Variants in KAT14 observed in about 807,000 individuals in gnomAD.
KAT14 encodes the protein cysteine-rich protein 2-binding protein.
A neutral mutation model predicts 78.4 loss-of-function variants in KAT14; 66 were observed. That is an observed-to-expected ratio of 0.84 (90% CI 0.69 to 1.03). The LOEUF is 1.03. Ranked by LOEUF, KAT14 falls within the 50% of genes least tolerant of loss-of-function variation. The pLI is 0.00. For missense variants in KAT14, 870 were observed against 972.5 expected (o/e 0.89, Z 1.40); for synonymous variants, 344 against 359.4 (o/e 0.96, Z 0.48).
chr20:18,184,554 A>G (rs767219457), intron 9 of KAT14, 48 bp from the exon 10 acceptor site: 2 of 1,554,412 alleles, frequency 1.3e-6, no homozygotes, highest in East Asian at 2.3e-5. Flanking sequence ...GTGTTCCTTA[A>G]TTCTCAAAGG....
At chr20:18,146,385 C>T (rs1212019448) in intron 3 of KAT14, among the ~76,000 whole-genome samples, 8 of 152,224 alleles carry the variant, frequency 5.3e-5, no homozygotes, top group Non-Finnish European at 7.4e-5. Context: ...ACAGGCCAGG[C>T]GCGGTGGCTC....
chr20:18,138,133 TC>T, intron 1 of KAT14, 82 bp downstream of exon 1: 1 of 1,361,176 alleles, frequency 7.3e-7, no homozygotes, highest in South Asian at 1.7e-5. Context: ...CCCGCTCGGT[TC>T]CTCAGCTCCT....
chr20:18,158,958 C>G (rs1047659779), intron 4 of KAT14, 126 bp from the exon 5 acceptor site: 1 of 1,190,786 alleles, frequency 8.4e-7, no homozygotes, highest in African/African-American at 1.6e-5. Context: ...GCCTCTCGTG[C>G]TCTGCTCCTT....
In KAT14 at chr20:18,162,827, C is replaced by G; in HGVS notation, c.1550C>G (p.Ala517Gly). 6.2e-7 allele frequency: 1 copy of G among 1,614,182 alleles called. No individual in the cohort carries two copies. Among genetic ancestry groups the G allele is most frequent in the Non-Finnish European group, 8.5e-7 (1 of 1,180,028 alleles). ...GACTTGGATCAAGTTGTTAATGCTG[C>G]TCTTTTGTTAGTTGACGGGATTTAT... is the stretch of plus-strand genomic sequence containing the variant. The part of the protein sequence containing the change: ...LFDLDQVVNA[A>G]LLLVDGIYGA... Residue 517 changes from alanine to glycine, a missense_variant, in exon 7 of 11, where the codon GCT becomes GGT. By Grantham distance (60) the Ala-to-Gly change is moderately conservative. Transcript: ENST00000688188.
chr20:18,144,127 AT>A (rs761165119), intron 2 of KAT14, among the ~76,000 whole-genome samples: 9 of 152,260 alleles, frequency 5.9e-5, no homozygotes, highest in Non-Finnish European at 1.0e-4. Flanking sequence ...GAAGAGGGTC[AT>A]TTTCTGGCAT....
At chr20:18,137,821 G>T, upstream of KAT14, 1 of 936,060 alleles carries the variant, frequency 1.1e-6, no homozygotes, top group Non-Finnish European at 1.5e-6. Flanking sequence ...TGGCAGCGGC[G>T]AGCGGCGCAC....
chr20:18,162,144 C>T lies in KAT14; in HGVS notation c.1004C>T (p.Ala335Val). The change falls in exon 6 of 11, where the codon GCC (alanine) becomes GTC (valine). Residue 335 changes from alanine to valine, a missense_variant. By Grantham distance (64) the Ala-to-Val change is moderately conservative (BLOSUM62 0). Transcript: ENST00000688188. ...PSPSPSLDFSAPGTPASHSAT... is the reference protein window; with the variant it reads ...PSPSPSLDFSVPGTPASHSAT... ...CCTTCTCCTTCTCTGGATTTCTCTG[C>T]CCCTGGTACACCTGCCTCTCATTCT... The T allele has an allele frequency of 6.2e-7, 1 of 1,614,258 alleles. No homozygotes were observed. The highest frequency in any genetic ancestry group is 8.5e-7 in the Non-Finnish European group (1 of 1,180,048).
intron 5 of KAT14, among the ~76,000 whole-genome samples, chr20:18,161,035 G>A (rs2038400467): frequency 1.3e-5 from 2 of 152,002 alleles, no homozygotes; most frequent in South Asian, 2.1e-4. Context: ...TCAGCCGGGC[G>A]TGATGGCGCA....
chr20:18,183,032 C>T, intron 8 of KAT14, 91 bp from the exon 9 acceptor site: 1 of 1,486,732 alleles, frequency 6.7e-7, no homozygotes, highest in Non-Finnish European at 9.0e-7. Context: ...AAGTTTCAAG[C>T]AGATCAAAGA....
chr20:18,176,005 CAA>C (rs35353769), intron 7 of KAT14, among the ~76,000 whole-genome samples: 17 of 106,158 alleles, frequency 1.6e-4, no homozygotes, highest in African/African-American at 4.2e-4. Context: ...GAGACTGTCT[CAA>C]AAAAAAAAAA....
Position 18,162,545 on chromosome 20 carries a change from T to G in KAT14, c.1268T>G (p.Met423Arg), listed in dbSNP as rs2038479329. 1 of 1,613,930 alleles carries G rather than the reference T, an allele frequency of 6.2e-7. No individual in the cohort carries two copies. The highest frequency in any genetic ancestry group is 1.1e-5 in the South Asian group (1 of 91,066). The change falls in exon 7 of 11, where the codon ATG (methionine) becomes AGG (arginine). Residue 423 changes from methionine (M) to arginine (R), a missense_variant. By Grantham distance (91) the Met-to-Arg change is moderately conservative. Coordinates refer to ENST00000688188, the MANE Select transcript of KAT14 (RefSeq NM_001392073.1). ...VESEEEKPDR[M>R]DIDSEDTDSN... ...AGTGAGGAGGAAAAACCCGACAGGA[T>G]GGATATTGACAGTGAAGACACAGAT...
intron 2 of KAT14, chr20:18,145,010 C>T: frequency 9.0e-7 from 1 of 1,114,478 alleles, no homozygotes. Flanking sequence ...GTACCTTTCT[C>T]CTAAAAGTTA....
intron 7 of KAT14, among the ~76,000 whole-genome samples, chr20:18,165,914 G>A (rs560380636): frequency 1.1e-3 from 170 of 152,276 alleles, no homozygotes; most frequent in African/African-American, 4.0e-3. Flanking sequence ...GTGGGCATGG[G>A]TGGTGTACAG....
intron 5 of KAT14, among the ~76,000 whole-genome samples, chr20:18,159,689 T>A (rs964152329): frequency 6.6e-6 from 1 of 152,238 alleles, no homozygotes; most frequent in African/African-American, 2.4e-5. Context: ...ATTCTTACAA[T>A]TGGATTATTT....
rs893045212 is a variant in KAT14, at chr20:18,181,570, C to T, written c.1669-140C>T. ...ATTTTTAGTAGAGACAGGGTTTTACCGTGTTAGCCAGGATGATCTCGATCT... is the reference window on the plus strand; with the variant it reads ...ATTTTTAGTAGAGACAGGGTTTTACTGTGTTAGCCAGGATGATCTCGATCT... On this transcript the variant is annotated intron_variant, in intron 7 of 10. Transcript: ENST00000688188. The T allele has an allele frequency of 2.7e-5, 35 of 1,285,778 alleles. 1 individual carries two copies. Among genetic ancestry groups the T allele is most frequent in the East Asian group, 2.1e-4 (8 of 38,982 alleles). The allele number at this position is 1,285,778 out of a possible 1,614,324, so 79.6% of individuals were successfully genotyped here. A position where few individuals can be genotyped will look rare whatever the true frequency, so the allele number is the denominator to read the frequency against.
chr20:18,178,522 T>C (rs2039128236), intron 7 of KAT14, among the ~76,000 whole-genome samples: 1 of 152,148 alleles, frequency 6.6e-6, no homozygotes, highest in African/African-American at 2.4e-5. Flanking sequence ...CAAAAGCCAC[T>C]CTTACATGGT....
Position 18,173,302 on chromosome 20 carries a change from C to T in KAT14, c.1669-8408C>T, listed in dbSNP as rs968854082. Among the ~76,000 whole-genome samples the T allele has an allele frequency of 3.3e-5, 5 of 152,314 alleles. No individual in the cohort carries two copies. In the South Asian group the frequency reaches 6.2e-4, roughly 19 times the overall value. ...AATTTTCAGTTCTTCAGGGCTTTCC[C>T]GCCTTGATGCTGGTTCCCACAGAGG... On this transcript the variant is annotated intron_variant, in intron 7 of 10. Coordinates refer to ENST00000688188, the MANE Select transcript of KAT14 (RefSeq NM_001392073.1).
intron 7 of KAT14, among the ~76,000 whole-genome samples, chr20:18,174,908 A>C (rs1339343547): frequency 6.6e-6 from 1 of 151,114 alleles, no homozygotes; most frequent in East Asian, 1.9e-4. Context: ...CAGGTGATCC[A>C]CCCACCTCGG....
In KAT14 at chr20:18,187,868, G is replaced by A. The variant is rs2039496096; in HGVS notation, c.*409G>A. On this transcript the variant is annotated 3_prime_UTR_variant, in exon 11 of 11. Transcript: ENST00000688188. ...TGCAGTCCCAAAAGGCACTGTCCTGGGATGATGAGAGATTATAAGGTGATT... is the reference window on the plus strand; with the variant it reads ...TGCAGTCCCAAAAGGCACTGTCCTGAGATGATGAGAGATTATAAGGTGATT... 1 of 189,910 alleles carries A rather than the reference G, an allele frequency of 5.3e-6. No individual in the cohort carries two copies. The highest frequency in any genetic ancestry group is 1.1e-5 in the Non-Finnish European group (1 of 93,882). 11.8% of individuals were successfully genotyped at this position (189,910 alleles called of 1,614,324 possible).
Sources: allele counts gnomAD v4.1 joint callset (sites outside exome capture counted in the v4.1 genomes callset), GRCh38; gene constraint gnomAD v4.1.1; transcripts MANE v1.5; gene names NCBI Gene and HGNC (gene_info 2026-07-23, HGNC 2026-07-21).